Variants in UTS2 observed in about 807,000 individuals in gnomAD.
UTS2 encodes the protein urotensin 2.
Under a neutral mutation model 12.6 loss-of-function variants are expected in UTS2, and 10 were observed. That is an observed-to-expected ratio of 0.80 (90% CI 0.49 to 1.35). The LOEUF is 1.35. UTS2 is among the 40% of genes most tolerant of loss of function. The pLI is 0.00. For missense variants in UTS2, 142 were observed against 143.2 expected, an observed-to-expected ratio of 0.99 and a Z score of 0.04; for synonymous variants, 52 against 50.0, an observed-to-expected ratio of 1.04 and a Z score of -0.17.
At chr1:7,865,839 G>A in the UTS2 span, among the ~76,000 whole-genome samples, 2 of 152,162 alleles carry the variant, frequency 1.3e-5, no homozygotes, top group South Asian at 4.1e-4. Context: ...GGGAGGCTGA[G>A]GTGGGAGGAT....
the UTS2 span, among the ~76,000 whole-genome samples, chr1:7,906,449 G>GAGAAAGAAAGAAAA: frequency 1.4e-5 from 1 of 73,226 alleles, no homozygotes; most frequent in African/African-American, 5.3e-5. Flanking sequence ...GAAAGAAAAA[G>GAGAAAGAAAGAAAA]AGAAAGAAAG....
the UTS2 span, among the ~76,000 whole-genome samples, chr1:7,877,501 C>T: frequency 6.6e-6 from 1 of 152,146 alleles, no homozygotes; most frequent in Non-Finnish European, 1.5e-5. Flanking sequence ...CTAGAGCAAG[C>T]AGTCTAGACC....
chr1:7,903,564 A>G, the UTS2 span, among the ~76,000 whole-genome samples: 2 of 151,326 alleles, frequency 1.3e-5, no homozygotes, highest in Admixed American at 6.6e-5. Flanking sequence ...TAATTTTTGT[A>G]TTTTTGGTAG....
intron 2 of UTS2, 22 bp downstream of exon 2, chr1:7,850,790 A>G (rs1431359185): frequency 2.5e-6 from 4 of 1,610,718 alleles, no homozygotes; most frequent in South Asian, 2.2e-5. Context: ...CAGACACGCT[A>G]TAAACATGAG....
chr1:7,862,985 G>GTTA, the UTS2 span, among the ~76,000 whole-genome samples: 1 of 73,790 alleles, frequency 1.4e-5, no homozygotes, highest in Admixed American at 1.3e-4. Flanking sequence ...TATTTATTGT[G>GTTA]TTGTGTTGTA....
the UTS2 span, among the ~76,000 whole-genome samples, chr1:7,902,924 T>C: frequency 3.3e-5 from 5 of 152,120 alleles, no homozygotes; most frequent in Non-Finnish European, 7.4e-5. Flanking sequence ...GCCTGCGCGC[T>C]GGTGGTGTCT....
chr1:7,885,443 C>A, the UTS2 span, among the ~76,000 whole-genome samples: 1 of 152,104 alleles, frequency 6.6e-6, no homozygotes, highest in African/African-American at 2.4e-5. Flanking sequence ...CCAGGAAGGA[C>A]AGGAGATGGC....
At chr1:7,902,077 G>A in the UTS2 span, among the ~76,000 whole-genome samples, 1 of 152,148 alleles carries the variant, frequency 6.6e-6, no homozygotes, top group Non-Finnish European at 1.5e-5. Flanking sequence ...CAGGCTGGGA[G>A]GGAAGCTTTG....
Position 7,847,774 on chromosome 1 carries a change from A to G in UTS2, c.367T>C (p.Cys123Arg), listed in dbSNP as rs1327846067. The change falls in exon 4 of 4, where the codon TGT (cysteine) becomes CGT (arginine). Residue 123 changes from cysteine (C) to arginine (R), a missense_variant. Coordinates refer to ENST00000361696, the MANE Select transcript of UTS2 (RefSeq NM_006786.4). ...RETPDCFWKYCV is the reference protein window; with the variant it reads ...RETPDCFWKYRV Reference sequence around the variant, plus strand: ...CAGATGCTTATTTCACTTCAGACACAGTATTTCCAGAAGCAATCAGGAGTC... The same window carrying G: ...CAGATGCTTATTTCACTTCAGACACGGTATTTCCAGAAGCAATCAGGAGTC... 1.2e-6 allele frequency: 2 copies of G among 1,610,774 alleles called. No homozygotes were observed. The highest frequency in any genetic ancestry group is 3.3e-5 in the Admixed American group (2 of 59,824).
chr1:7,854,718 T>G (rs34963758), upstream of UTS2, among the ~76,000 whole-genome samples: 1 of 152,100 alleles, frequency 6.6e-6, no homozygotes, highest in Non-Finnish European at 1.5e-5. Flanking sequence ...TAACAATGTA[T>G]AGTTGAAGAT....
chr1:7,853,242 G>A (rs1382405929), upstream of UTS2: 11 of 1,599,082 alleles, frequency 6.9e-6, no homozygotes, highest in East Asian at 2.3e-5. Flanking sequence ...TTGTTGCCTA[G>A]TGTACAAAGT....
At chr1:7,869,392 A>G in the UTS2 span, among the ~76,000 whole-genome samples, 1 of 152,232 alleles carries the variant, frequency 6.6e-6, no homozygotes, top group Non-Finnish European at 1.5e-5. Context: ...AGGTTGGACC[A>G]CATGGCTCTG....
chr1:7,887,929 CA>C, the UTS2 span, among the ~76,000 whole-genome samples: 1 of 152,080 alleles, frequency 6.6e-6, no homozygotes, highest in Non-Finnish European at 1.5e-5. Context: ...GGCTCAAAGG[CA>C]AAAGTGACCA....
At chr1:7,900,602 A>C in the UTS2 span, among the ~76,000 whole-genome samples, 1 of 151,030 alleles carries the variant, frequency 6.6e-6, no homozygotes. Flanking sequence ...CATGGCAAAA[A>C]CCCCATCTCT....
chr1:7,903,661 A>G, the UTS2 span, among the ~76,000 whole-genome samples: 1 of 38,330 alleles, frequency 2.6e-5, no homozygotes, highest in Admixed American at 4.3e-4. Flanking sequence ...AAGTGCTGGG[A>G]TTACAGGCAT....
chr1:7,889,838 G>A, the UTS2 span, among the ~76,000 whole-genome samples: 7 of 152,042 alleles, frequency 4.6e-5, no homozygotes, highest in Admixed American at 2.0e-4. Context: ...AGGCCAAGGC[G>A]GGAGGATCAC....
the UTS2 span, among the ~76,000 whole-genome samples, chr1:7,862,323 C>T: frequency 6.6e-6 from 1 of 152,062 alleles, no homozygotes; most frequent in South Asian, 2.1e-4. Flanking sequence ...CCCCTGCATG[C>T]TCCTACCTCT....
At chr1:7,853,218 ATAAAT>A, upstream of UTS2, 1 of 1,573,082 alleles carries the variant, frequency 6.4e-7, no homozygotes, top group Non-Finnish European at 8.7e-7. Flanking sequence ...GTCATAGACA[ATAAAT>A]TAACTGTCTT....
At chr1:7,855,856 G>A (rs184923131), upstream of UTS2, among the ~76,000 whole-genome samples, 25 of 150,380 alleles carry the variant, frequency 1.7e-4, no homozygotes, top group East Asian at 2.1e-3. Context: ...ATGCCACCAC[G>A]CTCAGCTAGT....
Sources: allele counts gnomAD v4.1 joint callset (sites outside exome capture counted in the v4.1 genomes callset), GRCh38; gene constraint gnomAD v4.1.1; transcripts MANE v1.5; gene names NCBI Gene and HGNC (gene_info 2026-07-23, HGNC 2026-07-21).